CHN2: variants seen among roughly 807,000 people sequenced by gnomAD.
CHN2 encodes the protein chimerin 2.
A neutral mutation model predicts 56.3 loss-of-function variants in CHN2; 35 were observed. The ratio of observed to expected loss-of-function variants is 0.62; its 90% confidence interval spans 0.47 to 0.82. The LOEUF is 0.82. Ranked by LOEUF, CHN2 falls within the 40% of genes least tolerant of loss-of-function variation. CHN2 has a pLI of 0.00. For missense variants in CHN2, 491 were observed against 580.5 expected (o/e 0.85, Z 1.58); for synonymous variants, 210 against 212.8 (o/e 0.99, Z 0.12).
chr7:29,162,586 G>A (rs903985496), intron 2 of CHN2, among the ~76,000 whole-genome samples: 21 of 151,596 alleles, frequency 1.4e-4, no homozygotes, highest in Admixed American at 1.2e-3. Context: ...ACTTGAACCC[G>A]GAAGGCGGAA....
At chr7:29,424,475 C>T (rs1278493566) in intron 6 of CHN2, among the ~76,000 whole-genome samples, 2 of 152,164 alleles carry the variant, frequency 1.3e-5, no homozygotes, top group South Asian at 2.1e-4. Context: ...ATCCCACTTT[C>T]GGTGGCCTCC....
At chr7:29,387,520 A>G (rs1801011074) in intron 3 of CHN2, among the ~76,000 whole-genome samples, 1 of 152,210 alleles carries the variant, frequency 6.6e-6, no homozygotes, top group South Asian at 2.1e-4. Context: ...ACGTTCTCTC[A>G]TGTGTGGCAG....
chr7:29,157,817 G>C (rs978786338), intron 2 of CHN2, among the ~76,000 whole-genome samples: 6 of 149,288 alleles, frequency 4.0e-5, no homozygotes, highest in African/African-American at 1.5e-4. Context: ...AGGTTTCAAA[G>C]AGGCACTTAG....
chr7:29,406,157 A>C (rs1389290884), intron 6 of CHN2, among the ~76,000 whole-genome samples: 1 of 152,180 alleles, frequency 6.6e-6, no homozygotes. Context: ...CTTACAGGAA[A>C]TTTGCAGCCT....
intron 2 of CHN2, among the ~76,000 whole-genome samples, chr7:29,354,984 T>C (rs1798183719): frequency 6.6e-6 from 1 of 151,240 alleles, no homozygotes; most frequent in Admixed American, 6.6e-5. Flanking sequence ...TTTTTATTTA[T>C]TGAGACCAAG....
At chr7:29,204,880 A>G (rs926940950) in intron 1 of CHN2, among the ~76,000 whole-genome samples, 2 of 152,202 alleles carry the variant, frequency 1.3e-5, no homozygotes, top group African/African-American at 2.4e-5. Flanking sequence ...GAAATAATTA[A>G]TATCAGATTA....
intron 1 of CHN2, among the ~76,000 whole-genome samples, chr7:29,256,698 A>C (rs1038895884): frequency 6.6e-6 from 1 of 152,172 alleles, no homozygotes; most frequent in Admixed American, 6.5e-5. Context: ...CTGGTCTGGC[A>C]CAGGTGATCT....
At chr7:29,323,139 G>T (rs1313385757) in intron 1 of CHN2, among the ~76,000 whole-genome samples, 1 of 151,760 alleles carries the variant, frequency 6.6e-6, no homozygotes, top group Non-Finnish European at 1.5e-5. Context: ...TGGCCAGAGA[G>T]TGAGAATCCG....
chr7:29,257,712 G>A (rs1196888438), intron 1 of CHN2, among the ~76,000 whole-genome samples: 1 of 152,182 alleles, frequency 6.6e-6, no homozygotes, highest in Non-Finnish European at 1.5e-5. Context: ...TACTCGGCCT[G>A]GCGATATCCT....
At chr7:29,469,200 A>G (rs184150694) in intron 6 of CHN2, among the ~76,000 whole-genome samples, 3 of 152,292 alleles carry the variant, frequency 2.0e-5, no homozygotes, top group Non-Finnish European at 4.4e-5. Context: ...CCTTGAAACA[A>G]TATCCAGATT....
chr7:29,369,298 T>A (rs1360667952), intron 3 of CHN2, among the ~76,000 whole-genome samples: 1 of 152,120 alleles, frequency 6.6e-6, no homozygotes, highest in East Asian at 1.9e-4. Context: ...TTTGTAAAAT[T>A]AGAATACAAC....
In CHN2 at chr7:29,194,921, C is replaced by A. The variant is rs1345360945; in HGVS notation, c.-21C>A. 2.6e-6 allele frequency: 4 copies of A among 1,548,456 alleles called. No individual in the cohort carries two copies. Among genetic ancestry groups the A allele is most frequent in the Admixed American group, 1.9e-5 (1 of 52,090 alleles). On this transcript the variant is annotated 5_prime_UTR_variant, in exon 1 of 13. Transcript: ENST00000222792. ...GTCCGCACCGGGGCTGAGCGAGCAG[C>A]GACGCGAGGGGCGCGCGGAGATGGC...
intron 1 of CHN2, among the ~76,000 whole-genome samples, chr7:29,347,545 T>C (rs1032314275): frequency 5.9e-5 from 9 of 152,098 alleles, no homozygotes; most frequent in African/African-American, 1.9e-4. Flanking sequence ...AGTGCCACTT[T>C]TAAGCCATCA....
Position 29,314,842 on chromosome 7 carries a change from T to C in CHN2, c.50-39783T>C, listed in dbSNP as rs557121249. Among the ~76,000 whole-genome samples the C allele has an allele frequency of 1.4e-3, 207 of 151,624 alleles. 1 individual carries two copies. The highest frequency in any genetic ancestry group is 5.0e-3 in the Admixed American group (76 of 15,206). On this transcript the variant is annotated intron_variant, in intron 1 of 12. Transcript: ENST00000222792. ...ATTTTTCTAGCGTCTTATAAGCTGT[T>C]TATTTATGTTTAATTATATATTTGT... is the stretch of plus-strand genomic sequence containing the variant.
At chr7:29,398,249 C>G (rs1585260579) in intron 4 of CHN2, 124 bp from the exon 5 acceptor site, 1 of 679,392 alleles carries the variant, frequency 1.5e-6, no homozygotes, top group East Asian at 2.6e-5. Context: ...TAGTCACCCC[C>G]CTTCTTCACT....
At chr7:29,204,445 T>C (rs73684620) in intron 1 of CHN2, among the ~76,000 whole-genome samples, 351 of 152,314 alleles carry the variant, frequency 2.3e-3, no homozygotes, top group African/African-American at 8.1e-3. Context: ...TTCTCTTTAT[T>C]ACAAAAAAAT....
chr7:29,196,428 C>T (rs928572603), intron 1 of CHN2, among the ~76,000 whole-genome samples: 30 of 152,160 alleles, frequency 2.0e-4, no homozygotes, highest in Admixed American at 6.5e-5. Context: ...AGTTGACCGC[C>T]GTGGTTTTAA....
intron 1 of CHN2, among the ~76,000 whole-genome samples, chr7:29,274,818 C>T (rs1465909731): frequency 6.6e-6 from 1 of 152,200 alleles, no homozygotes; most frequent in African/African-American, 2.4e-5. Context: ...AAACTACCTG[C>T]ATCAGTGCTC....
chr7:29,468,932 T>C (rs1269425895), intron 6 of CHN2, among the ~76,000 whole-genome samples: 4 of 152,172 alleles, frequency 2.6e-5, no homozygotes, highest in South Asian at 2.1e-4. Flanking sequence ...CTAAAATCCA[T>C]CTACCCATAA....
Sources: gnomAD v4.1 joint callset for allele counts (sites outside exome capture counted in the v4.1 genomes callset) on GRCh38, gnomAD v4.1.1 for gene constraint, MANE v1.5 for transcripts, NCBI Gene and HGNC (gene_info 2026-07-23, HGNC 2026-07-21) for gene names.